The following KCNQ5 variants were observed in gnomAD, a reference collection of about 807,000 sequenced individuals.
KCNQ5 encodes potassium voltage-gated channel subfamily Q member 5.
Under a neutral mutation model 98.2 loss-of-function variants are expected in KCNQ5, and 30 were observed. The ratio of observed to expected loss-of-function variants is 0.31; its 90% confidence interval spans 0.23 to 0.41. The LOEUF (loss-of-function observed/expected upper bound fraction) is 0.41, where lower values mean the gene tolerates loss of function less well. Ranked by LOEUF, KCNQ5 falls within the 10% of genes least tolerant of loss-of-function variation. The probability of loss-of-function intolerance (pLI) is 1.00; values close to 1 mark genes in which losing one functional copy is unlikely to be tolerated. For synonymous variants in KCNQ5, 458 were observed against 449.4 expected (o/e 1.02, Z -0.24); for missense variants, 835 against 1,182.5 (o/e 0.71, Z 4.31).
intron 5 of KCNQ5, among the ~76,000 whole-genome samples, chr6:73,093,923 T>C (rs1358897479): frequency 1.3e-5 from 2 of 152,198 alleles, no homozygotes; most frequent in Non-Finnish European, 2.9e-5. Context: ...TAAGTCTATT[T>C]GTTCCAAGGT....
At chr6:73,055,712 A>C (rs1237722010) in intron 3 of KCNQ5, 2 of 1,115,896 alleles carry the variant, frequency 1.8e-6, no homozygotes, top group Non-Finnish European at 2.7e-6. Context: ...CATGGAGCTG[A>C]ACCTGCCAAC....
chr6:73,007,633 G>A (rs888520065), intron 2 of KCNQ5, among the ~76,000 whole-genome samples: 17 of 152,114 alleles, frequency 1.1e-4, no homozygotes, highest in East Asian at 3.9e-4. Flanking sequence ...CATCCCCTAC[G>A]CCCAGGCCCA....
intron 1 of KCNQ5, among the ~76,000 whole-genome samples, chr6:72,931,767 C>T (rs73753209): frequency 0.015 from 2,252 of 152,184 alleles, 52 homozygotes; most frequent in African/African-American, 0.051. Context: ...ACTCTGCATG[C>T]GAGGTAATTG....
intron 1 of KCNQ5, among the ~76,000 whole-genome samples, chr6:72,895,114 T>TA (rs71540357): frequency 0.016 from 1,458 of 89,228 alleles, 31 homozygotes; most frequent in African/African-American, 0.049. Flanking sequence ...CCATCTCTAC[T>TA]AAAAAAAAAA....
chr6:72,756,811 A>G (rs1413277110), intron 1 of KCNQ5, among the ~76,000 whole-genome samples: 1 of 152,076 alleles, frequency 6.6e-6, no homozygotes, highest in African/African-American at 2.4e-5. Context: ...TCACTGGAAC[A>G]TATTTGTCAT....
chr6:72,881,095 G>A (rs1778621009), intron 1 of KCNQ5, among the ~76,000 whole-genome samples: 1 of 152,134 alleles, frequency 6.6e-6, no homozygotes, highest in Admixed American at 6.5e-5. Context: ...TACAGAAACA[G>A]GGCTAAATAT....
intron 1 of KCNQ5, chr6:72,986,644 A>G (rs1286280504): frequency 5.3e-6 from 4 of 757,898 alleles, no homozygotes; most frequent in Non-Finnish European, 9.1e-6. Flanking sequence ...CAGAGAAGTC[A>G]CCCAATCCCA....
intron 1 of KCNQ5, among the ~76,000 whole-genome samples, chr6:72,868,509 T>A (rs552139054): frequency 2.6e-5 from 4 of 152,170 alleles, no homozygotes; most frequent in Non-Finnish European, 5.9e-5. Context: ...ATTCTGGCAC[T>A]GGCAGTGGTT....
At position 73,168,465 on chromosome 6, in the gene KCNQ5, G is replaced by T. The variant is rs373167062; in HGVS notation, c.1469-1281G>T. On this transcript the variant is annotated intron_variant, in intron 10 of 13. Transcript: ENST00000370398. ...CCCCTGTAATCCCAGCACTTAGGGA[G>T]GCCAAGGCAGACGGGTCACTTGAGG... is the stretch of plus-strand genomic sequence containing the variant. Among the ~76,000 whole-genome samples the T allele has an allele frequency of 1.9e-4, 29 of 152,238 alleles. No individual in the cohort carries two copies. The South Asian group carries it at 5.6e-3, about 29-fold the overall frequency.
At chr6:72,811,293 T>G (rs971889840) in intron 1 of KCNQ5, among the ~76,000 whole-genome samples, 2 of 152,178 alleles carry the variant, frequency 1.3e-5, no homozygotes, top group African/African-American at 4.8e-5. Flanking sequence ...GATTTTATTC[T>G]TTCTACCTGT....
chr6:72,857,071 C>T (rs1777563976), intron 1 of KCNQ5, among the ~76,000 whole-genome samples: 1 of 152,248 alleles, frequency 6.6e-6, no homozygotes, highest in African/African-American at 2.4e-5. Context: ...GGAAATATCA[C>T]AGGCCCATAG....
rs370884468 is a variant in KCNQ5 at position 72,861,126 on chromosome 6, A to G, written c.399-142782A>G. ...TGATAGGATTAGAAGAGTGGCCACC[A>G]GGCAATTTGAAACCCTTCAAGGACG... On this transcript the variant is annotated intron_variant, in intron 1 of 13. Coordinates refer to ENST00000370398, the MANE Select transcript of KCNQ5 (RefSeq NM_019842.4). 2.6e-5 allele frequency among the ~76,000 whole-genome samples: 4 copies of G among 152,286 alleles called. No homozygotes were observed. In the East Asian group the frequency reaches 5.8e-4, roughly 22 times the overall value.
At chr6:72,710,850 G>A (rs62411990) in intron 1 of KCNQ5, among the ~76,000 whole-genome samples, 15,784 of 152,116 alleles carry the variant, frequency 0.1, 1,033 homozygotes, top group South Asian at 0.18. Flanking sequence ...GGACCTAACA[G>A]ACATATACAG....
intron 1 of KCNQ5, among the ~76,000 whole-genome samples, chr6:72,797,873 C>A (rs998198379): frequency 6.6e-6 from 1 of 151,998 alleles, no homozygotes; most frequent in South Asian, 2.1e-4. Flanking sequence ...TAGAATTATA[C>A]CTTCTATATT....
chr6:72,704,942 C>T (rs1768997134), intron 1 of KCNQ5, among the ~76,000 whole-genome samples: 1 of 152,182 alleles, frequency 6.6e-6, no homozygotes, highest in Admixed American at 6.5e-5. Context: ...CCACTGACTA[C>T]ACAATAGCTT....
chr6:72,691,978 T>G (rs1768233160), intron 1 of KCNQ5, among the ~76,000 whole-genome samples: 1 of 152,222 alleles, frequency 6.6e-6, no homozygotes, highest in Non-Finnish European at 1.5e-5. Context: ...CAGTACAGAT[T>G]GTTTTATGAA....
At chr6:72,889,322 G>C (rs919323328) in intron 1 of KCNQ5, among the ~76,000 whole-genome samples, 8 of 152,150 alleles carry the variant, frequency 5.3e-5, no homozygotes, top group African/African-American at 1.7e-4. Context: ...AAGCAGATTA[G>C]ATAGGACCTT....
intron 1 of KCNQ5, among the ~76,000 whole-genome samples, chr6:72,769,147 T>C (rs1057034198): frequency 3.9e-5 from 6 of 152,116 alleles, no homozygotes; most frequent in African/African-American, 1.4e-4. Flanking sequence ...CAGAGTTAAA[T>C]AATTTTGACT....
intron 1 of KCNQ5, among the ~76,000 whole-genome samples, chr6:72,819,785 T>C (rs1233957098): frequency 6.6e-6 from 1 of 152,218 alleles, no homozygotes; most frequent in African/African-American, 2.4e-5. Context: ...ATCTCAGCTT[T>C]GTCCCAGTGC....
Sources: gnomAD v4.1 joint callset for allele counts (sites outside exome capture counted in the v4.1 genomes callset) on GRCh38, gnomAD v4.1.1 for gene constraint, MANE v1.5 for transcripts, NCBI Gene and HGNC (gene_info 2026-07-23, HGNC 2026-07-21) for gene names.